The following PHACTR3 variants were observed in gnomAD, a reference collection of about 807,000 sequenced individuals.
The protein encoded by PHACTR3 is phosphatase and actin regulator 3, also known as protein phosphatase 1, regulatory subunit 123.
A neutral mutation model predicts 66.8 loss-of-function variants in PHACTR3; 16 were observed. The observed-to-expected ratio is 0.24, with a 90% CI of 0.16 to 0.36. The LOEUF (loss-of-function observed/expected upper bound fraction) is 0.36, where lower values mean the gene tolerates loss of function less well. Among genes scored for constraint, PHACTR3 ranks in the 10% least tolerant of loss-of-function variants. The pLI is 1.00. For missense variants in PHACTR3, 647 were observed against 719.9 expected, an observed-to-expected ratio of 0.90 and a Z score of 1.16; for synonymous variants, 323 against 292.1, an observed-to-expected ratio of 1.11 and a Z score of -1.08.
At chr20:59,846,229 A>C (rs1168116631) in intron 12 of PHACTR3, among the ~76,000 whole-genome samples, 1 of 152,180 alleles carries the variant, frequency 6.6e-6, no homozygotes, top group African/African-American at 2.4e-5. Flanking sequence ...TGGCCACTGC[A>C]ATTGTTATCT....
chr20:59,833,310 G>A (rs2042439308), intron 8 of PHACTR3, among the ~76,000 whole-genome samples: 1 of 152,234 alleles, frequency 6.6e-6, no homozygotes, highest in Admixed American at 6.5e-5. Flanking sequence ...GGGACCAATT[G>A]CACAGTTTTT....
At chr20:59,582,875 A>T (rs1444530997) in intron 1 of PHACTR3, among the ~76,000 whole-genome samples, 1 of 151,916 alleles carries the variant, frequency 6.6e-6, no homozygotes. Context: ...CACTTTGTTT[A>T]TGGTGTCCTT....
At chr20:59,639,050 GAGATGGAT>G (rs1169360081) in intron 1 of PHACTR3, among the ~76,000 whole-genome samples, 4 of 131,018 alleles carry the variant, frequency 3.1e-5, no homozygotes, top group African/African-American at 1.2e-4. Context: ...TGGATAAATG[GAGATGGAT>G]AGATGGATGG....
In PHACTR3 at chr20:59,820,127, C is replaced by T. The variant is rs954287819; in HGVS notation, c.1328+13933C>T. Reference sequence around the variant, plus strand: ...CAGATGCACCTTCCTGAGCTCTTGGCGTGGCACCACCTCCTGCTTCACCAC... The same window carrying T: ...CAGATGCACCTTCCTGAGCTCTTGGTGTGGCACCACCTCCTGCTTCACCAC... On this transcript the variant is annotated intron_variant, in intron 8 of 12. Transcript: ENST00000371015. The surrounding 1 kb of genome is among the most constrained non-coding windows in gnomAD (Gnocchi z 4.6). Among the ~76,000 whole-genome samples the T allele has an allele frequency of 2.0e-5, 3 of 152,162 alleles. No homozygotes were observed. The highest frequency in any genetic ancestry group is 2.1e-4 in the South Asian group (1 of 4,828).
rs1229239171 is a variant in PHACTR3, at chr20:59,847,534, C to T, written c.*404C>T. On this transcript the variant is annotated 3_prime_UTR_variant, in exon 13 of 13. Coordinates refer to ENST00000371015, the MANE Select transcript of PHACTR3 (RefSeq NM_080672.5). ...GTCATTCAGTATTATGTTCAAAAGA[C>T]ATTTTTATCCTGATCATAATTAATT... is the stretch of plus-strand genomic sequence containing the variant. 1 of 165,302 alleles carries T rather than the reference C, an allele frequency of 6.0e-6. No individual in the cohort carries two copies. Among genetic ancestry groups the T allele is most frequent in the East Asian group, 1.7e-4 (1 of 6,024 alleles). The allele number at this position is 165,302 out of a possible 1,614,324, so 10.2% of individuals were successfully genotyped here. A position where few individuals can be genotyped will look rare whatever the true frequency, so the allele number is the denominator to read the frequency against.
At chr20:59,619,193 A>G (rs953213941) in intron 1 of PHACTR3, among the ~76,000 whole-genome samples, 1 of 152,186 alleles carries the variant, frequency 6.6e-6, no homozygotes, top group African/African-American at 2.4e-5. Flanking sequence ...TTTCGCCTGC[A>G]TGCCTAGGCT....
chr20:59,665,664 T>A (rs964419593), intron 1 of PHACTR3, among the ~76,000 whole-genome samples: 2 of 151,858 alleles, frequency 1.3e-5, no homozygotes, highest in Non-Finnish European at 2.9e-5. Context: ...CTGGGTTGAA[T>A]TGGATGGAAA....
intron 8 of PHACTR3, among the ~76,000 whole-genome samples, chr20:59,817,065 A>T (rs1600708430): frequency 2.0e-5 from 3 of 152,224 alleles, no homozygotes; most frequent in African/African-American, 7.2e-5. Flanking sequence ...CTAAGAGTTT[A>T]TTTCAATAAA....
At chr20:59,692,921 AG>A (rs1209989333) in intron 1 of PHACTR3, among the ~76,000 whole-genome samples, 1 of 152,228 alleles carries the variant, frequency 6.6e-6, no homozygotes, top group Non-Finnish European at 1.5e-5. Flanking sequence ...CAATGAAAAA[AG>A]GTAATGGTTT....
At chr20:59,806,700 A>G (rs1441130360) in intron 8 of PHACTR3, among the ~76,000 whole-genome samples, 2 of 152,346 alleles carry the variant, frequency 1.3e-5, no homozygotes, top group East Asian at 3.9e-4. Context: ...GTGTCACTTA[A>G]TGACAGGATA....
intron 4 of PHACTR3, among the ~76,000 whole-genome samples, chr20:59,764,176 A>G (rs566417443): frequency 1.3e-5 from 2 of 152,104 alleles, no homozygotes; most frequent in African/African-American, 2.4e-5. Flanking sequence ...GAGATCAGAC[A>G]TAGAAGATAG....
chr20:59,815,175 G>A (rs1366641198), intron 8 of PHACTR3, among the ~76,000 whole-genome samples: 1 of 152,134 alleles, frequency 6.6e-6, no homozygotes, highest in Non-Finnish European at 1.5e-5. Flanking sequence ...GTACACATGA[G>A]GAGGGACCTC....
rs564735752 is a variant in PHACTR3 at position 59,799,410 on chromosome 20, T to A, written c.1175-6631T>A. Reference sequence around the variant, plus strand: ...GAAATGATGTGTGGATTTCTTTATTTCTTTCCTCAATTCTGTCACTTTTTG... The same window carrying A: ...GAAATGATGTGTGGATTTCTTTATTACTTTCCTCAATTCTGTCACTTTTTG... On this transcript the variant is annotated intron_variant, in intron 7 of 12. Coordinates refer to ENST00000371015, the MANE Select transcript of PHACTR3 (RefSeq NM_080672.5). Among the ~76,000 whole-genome samples the A allele has an allele frequency of 2.6e-5, 4 of 152,282 alleles. No homozygotes were observed. In the South Asian group the frequency reaches 6.2e-4, roughly 24 times the overall value.
chr20:59,731,467 C>A (rs1056961083), intron 1 of PHACTR3, among the ~76,000 whole-genome samples: 2 of 152,290 alleles, frequency 1.3e-5, no homozygotes, highest in South Asian at 4.2e-4. Flanking sequence ...CCTTCCTCAT[C>A]CTCTTCATGT....
intron 12 of PHACTR3, 137 bp downstream of exon 12, chr20:59,845,402 T>A: frequency 1.7e-6 from 1 of 589,012 alleles, no homozygotes; most frequent in Non-Finnish European, 3.1e-6. Flanking sequence ...ACAAATAGAA[T>A]GTACCTCAAG....
At chr20:59,794,792 C>A (rs563009554) in intron 7 of PHACTR3, among the ~76,000 whole-genome samples, 23 of 152,028 alleles carry the variant, frequency 1.5e-4, no homozygotes, top group Non-Finnish European at 3.1e-4. Flanking sequence ...AGGAAATGAT[C>A]CATTTCTTCT....
intron 1 of PHACTR3, among the ~76,000 whole-genome samples, chr20:59,662,594 G>T (rs1421812060): frequency 6.6e-6 from 1 of 152,154 alleles, no homozygotes; most frequent in East Asian, 1.9e-4. Flanking sequence ...AAGAAAGTGG[G>T]ATTTTATCCT....
rs565367001 is a variant in PHACTR3, at chr20:59,716,894, T to C, written c.119-26213T>C. 2.0e-4 allele frequency among the ~76,000 whole-genome samples: 31 copies of C among 152,266 alleles called. No homozygotes were observed. In the South Asian group the frequency reaches 6.2e-3, roughly 31 times the overall value. ...CTAAAGGGTTCCAGAAGGCCATTAA[T>C]AGGCAAAAAACGCAAGCGTGGGTGA... On this transcript the variant is annotated intron_variant, in intron 1 of 12. Coordinates refer to ENST00000371015, the MANE Select transcript of PHACTR3 (RefSeq NM_080672.5).
At position 59,585,984 on chromosome 20, in the gene PHACTR3, A is replaced by T. The variant is rs117028126; in HGVS notation, c.109+8367A>T. ...ATGTCGTATTTTTAGACCGTCTTGA[A>T]TGATTTACACACCTTTTCTACAAGC... On this transcript the variant is annotated intron_variant, in intron 1 of 12. Transcript: ENST00000359926. 3.7e-4 allele frequency among the ~76,000 whole-genome samples: 56 copies of T among 152,304 alleles called. 1 individual carries two copies. In the East Asian group the frequency reaches 0.01, roughly 28 times the overall value.
Sources: allele counts gnomAD v4.1 joint callset (sites outside exome capture counted in the v4.1 genomes callset), GRCh38; gene constraint gnomAD v4.1.1; non-coding constraint Gnocchi (gnomAD v3.1); transcripts MANE v1.5; gene names NCBI Gene and HGNC (gene_info 2026-07-23, HGNC 2026-07-21).